The following SPEG variants were observed in gnomAD, a reference collection of about 807,000 sequenced individuals.
SPEG encodes striated muscle enriched protein kinase, also known as striated muscle preferentially expressed protein kinase.
Under a neutral mutation model 300.4 loss-of-function variants are expected in SPEG, and 114 were observed. The ratio of observed to expected loss-of-function variants is 0.38; its 90% confidence interval spans 0.33 to 0.44. The LOEUF (loss-of-function observed/expected upper bound fraction) is 0.44, where lower values mean the gene tolerates loss of function less well. Among genes scored for constraint, SPEG ranks in the 20% least tolerant of loss-of-function variants. SPEG has a pLI of 1.00. For synonymous variants in SPEG, 1,964 were observed against 2,018.9 expected (o/e 0.97, Z 0.73); for missense variants, 4,201 against 4,586.2 (o/e 0.92, Z 2.43).
chr2:219,483,177 G>A lies in SPEG; in HGVS notation c.5714G>A (p.Trp1905Ter). ...CTGCGGGCCCCCCCAGAGCGGGTGTGGGTGACCATGCCCAGAAGGCCACCC... is the reference window on the plus strand; with the variant it reads ...CTGCGGGCCCCCCCAGAGCGGGTGTAGGTGACCATGCCCAGAAGGCCACCC... ...ELLRAPPERV[W>*]VTMPRRPPPS... is the part of the protein sequence containing the mutation. The change falls in exon 30 of 41, where the codon TGG (tryptophan) becomes TAG (stop). Residue 1905 changes from tryptophan (W) to a stop codon, truncating the protein, a stop_gained. Coordinates refer to ENST00000312358, the MANE Select transcript of SPEG (RefSeq NM_005876.5). LOFTEE classifies it high-confidence loss of function. 2 of 1,609,648 alleles carry A rather than the reference G, an allele frequency of 1.2e-6. No individual in the cohort carries two copies. The highest frequency in any genetic ancestry group is 1.7e-6 in the Non-Finnish European group (2 of 1,179,140).
rs1446975793 is a variant in SPEG at position 219,492,675 on chromosome 2, C to T, written c.9693C>T (p.Leu3231=). 62 of 1,610,322 alleles carry T rather than the reference C, an allele frequency of 3.9e-5. No homozygotes were observed. Among genetic ancestry groups the T allele is most frequent in the Middle Eastern group, 1.6e-4 (1 of 6,084 alleles). ...TGATGAAGCTGCGCCGCCAGACGCT[C>T]ACCTTCACCACCAACCGGCTCAAGG... The part of the protein sequence containing the change: ...AYLMKLRRQT[L]TFTTNRLKEF... The change falls in exon 41 of 41, where the codon CTC becomes CTT. Residue 3231 remains leucine (L), a synonymous_variant. Transcript: ENST00000312358.
chr2:219,487,527 G>A (rs774238269), intron 31 of SPEG, among the ~76,000 whole-genome samples: 1 of 152,176 alleles, frequency 6.6e-6, no homozygotes, highest in Non-Finnish European at 1.5e-5. Context: ...TAAATGACTT[G>A]CCCAAGGTCA....
At position 219,490,338 on chromosome 2, in the gene SPEG, G is replaced by A. The variant is rs567895050; in HGVS notation, c.8922-71G>A. ...CCCCTAGGGGTCCCTGCTCTCCTCC[G>A]TTAGCCCTCACTATGGAAGTGTCCC... On this transcript the variant is annotated intron_variant, in intron 36 of 40. Coordinates refer to ENST00000312358, the MANE Select transcript of SPEG (RefSeq NM_005876.5). 124 of 1,548,684 alleles carry A rather than the reference G, an allele frequency of 8.0e-5. 1 individual carries two copies. In the South Asian group the frequency reaches 1.2e-3, roughly 15 times the overall value.
chr2:219,483,039 G>T (rs1693005582), intron 29 of SPEG, 59 bp from the exon 30 acceptor site: 17 of 1,522,558 alleles, frequency 1.1e-5, no homozygotes, highest in African/African-American at 4.1e-5. Context: ...AGGTGGGCCT[G>T]GGGGGGACAA....
Position 219,443,401 on chromosome 2 carries a change from G to A in SPEG, c.389-1252G>A. 1 of 551,894 alleles carries A rather than the reference G, an allele frequency of 1.8e-6. No homozygotes were observed. The highest frequency in any genetic ancestry group is 3.1e-5 in the East Asian group (1 of 32,658). 34.2% of individuals were successfully genotyped at this position (551,894 alleles called of 1,614,324 possible). ...CTGGGTGCCCTGTTCTCCATGTGAG[G>A]CCTAATGGGAAGGAGTTCATTGCCA... is the stretch of plus-strand genomic sequence containing the variant. On this transcript the variant is annotated intron_variant, in intron 1 of 40. Transcript: ENST00000312358. The surrounding 1 kb of genome is among the most constrained non-coding windows in gnomAD (Gnocchi z 4.6).
At chr2:219,462,751 AC>A (rs1274933736) in intron 8 of SPEG, among the ~76,000 whole-genome samples, 1 of 152,206 alleles carries the variant, frequency 6.6e-6, no homozygotes, top group African/African-American at 2.4e-5. Context: ...CCCTGTCTCT[AC>A]TAAAAATACA....
chr2:219,435,323 C>G lies in SPEG; in HGVS notation c.346C>G (p.Arg116Gly), dbSNP rs746145604. The G allele has an allele frequency of 2.6e-6, 4 of 1,537,434 alleles. No individual in the cohort carries two copies. In the African/African-American group the frequency reaches 4.1e-5, roughly 16 times the overall value. ...CTGCATGGCCCAGAACGAGCGGGGC[C>G]GGGCCTCCTGCGAGGCGGTGCTCAC... ...YSCMAQNERG[R>G]ASCEAVLTVL... Residue 116 changes from arginine to glycine, a missense_variant, in exon 1 of 41, where the codon CGG becomes GGG. This residue lies in a region of SPEG where 1,258 missense variants were observed against 1,293.9 expected (regional missense o/e 0.97). Transcript: ENST00000312358.
At chr2:219,463,227 C>G (rs2125412324) in intron 8 of SPEG, among the ~76,000 whole-genome samples, 1 of 151,786 alleles carries the variant, frequency 6.6e-6, no homozygotes, top group East Asian at 1.9e-4. Flanking sequence ...AAAAGACATG[C>G]AACAATTTGT....
At chr2:219,491,980 C>A in intron 39 of SPEG, 111 bp downstream of exon 39, 2 of 1,331,028 alleles carry the variant, frequency 1.5e-6, no homozygotes, top group Non-Finnish European at 1.0e-6. Context: ...TACACACATC[C>A]ACACTGCACA....
chr2:219,489,813 T>C lies in SPEG; in HGVS notation c.8795T>C (p.Leu2932Pro). The C allele has an allele frequency of 6.2e-7, 1 of 1,613,386 alleles. No individual in the cohort carries two copies. The highest frequency in any genetic ancestry group is 8.5e-7 in the Non-Finnish European group (1 of 1,179,830). Reference protein sequence around the residue: ...PEPTKVTVQSLSPAKEVVSSP... With the variant: ...PEPTKVTVQSPSPAKEVVSSP... ...CCTACCAAGGTGACTGTGCAGAGCC[T>C]CAGCCCGGCCAAGGAGGTGGTCAGC... Residue 2932 changes from leucine to proline, a missense_variant, in exon 36 of 41, where the codon CTC becomes CCC. By Grantham distance (98) the Leu-to-Pro change is moderately conservative. Around this residue, in one of 4 missense-constraint regions of SPEG, gnomAD observed 1,578 missense variants for 1,506.0 expected, o/e 1.05. Transcript: ENST00000312358.
At position 219,493,082 on chromosome 2, in the gene SPEG, CAGGAAGGGGG is replaced by C. The variant is rs1462075511; in HGVS notation, c.*300_*309del. On this transcript the variant is annotated 3_prime_UTR_variant, in exon 41 of 41. Transcript: ENST00000312358. ...GTGGAGAGGAAAAGGAATCGAGGGA[CAGGAAGGGGG>C]AGGCTCTAGGAAGGTTCTGGGTTGG... 1.5e-6 allele frequency: 1 copy of C among 646,330 alleles called. No homozygotes were observed. Among genetic ancestry groups the C allele is most frequent in the African/African-American group, 1.8e-5 (1 of 56,188 alleles). 40.0% of individuals were successfully genotyped at this position (646,330 alleles called of 1,614,324 possible).
rs1690740976 is a variant in SPEG, at chr2:219,461,954, C to A, written c.2513C>A (p.Pro838Gln). The A allele has an allele frequency of 6.2e-7, 1 of 1,613,738 alleles. No homozygotes were observed. Among genetic ancestry groups the A allele is most frequent in the Non-Finnish European group, 8.5e-7 (1 of 1,179,918 alleles). The stretch of plus-strand genomic sequence containing the variant: ...TACCTGAGCCCCCCAGAGGAGTTCC[C>A]AGAGCCTGGGGAGACCTGGCCGCGA... ...EEYLSPPEEFPEPGETWPRTP... is the reference protein window; with the variant it reads ...EEYLSPPEEFQEPGETWPRTP... The change falls in exon 7 of 41, where the codon CCA becomes CAA. Residue 838 changes from proline to glutamine, a missense_variant. Physicochemically the swap from Pro to Gln is moderately conservative, Grantham distance 76 (BLOSUM62 -1). Coordinates refer to ENST00000312358, the MANE Select transcript of SPEG (RefSeq NM_005876.5).
At position 219,484,434 on chromosome 2, in the gene SPEG, T is replaced by A. The variant is rs201170917; in HGVS notation, c.6971T>A (p.Ile2324Asn). Reference sequence around the variant, plus strand: ...CCAGGCAGCAGTCTCAGTAGCAGCATCGAAAACTTGGAGTCGGAGGCCGTG... The same window carrying A: ...CCAGGCAGCAGTCTCAGTAGCAGCAACGAAAACTTGGAGTCGGAGGCCGTG... ...PRPGSSLSSS[I>N]ENLESEAVFE... The change falls in exon 30 of 41, where the codon ATC (isoleucine) becomes AAC (asparagine). Residue 2324 changes from isoleucine (I) to asparagine (N), a missense_variant. Around this residue, in one of 4 missense-constraint regions of SPEG, gnomAD observed 1,578 missense variants for 1,506.0 expected, o/e 1.05. Coordinates refer to ENST00000312358, the MANE Select transcript of SPEG (RefSeq NM_005876.5). 1,768 of 1,611,386 alleles carry A rather than the reference T, an allele frequency of 1.1e-3. 1 individual carries two copies. Among genetic ancestry groups the A allele is most frequent in the Middle Eastern group, 1.6e-3 (10 of 6,062 alleles).
chr2:219,448,242 G>A lies in SPEG; in HGVS notation c.1084G>A (p.Gly362Arg), dbSNP rs1486615948. Residue 362 changes from glycine to arginine, a missense_variant, in exon 4 of 41, where the codon GGG becomes AGG. Physicochemically the swap from Gly to Arg is moderately radical, Grantham distance 125 (BLOSUM62 -2). Transcript: ENST00000312358. Reference sequence around the variant, plus strand: ...GCGAGGGAAGAAGTCCAAGTCGTCCGGGCCCTCCCTGGCGGGCACCGCGGA... The same window carrying A: ...GCGAGGGAAGAAGTCCAAGTCGTCCAGGCCCTCCCTGGCGGGCACCGCGGA... ...EKRGKKSKSS[G>R]PSLAGTAESR... 6.2e-7 allele frequency: 1 copy of A among 1,612,288 alleles called. No individual in the cohort carries two copies. Among genetic ancestry groups the A allele is most frequent in the African/African-American group, 1.3e-5 (1 of 74,914 alleles).
At chr2:219,440,181 G>A (rs889942245) in intron 1 of SPEG, among the ~76,000 whole-genome samples, 5 of 152,104 alleles carry the variant, frequency 3.3e-5, no homozygotes, top group African/African-American at 4.8e-5. Context: ...CCAGGAGTTC[G>A]AGACCAGCTT....
rs189420107 is a variant in SPEG at position 219,454,430 on chromosome 2, C to T, written c.2440+2623C>T. On this transcript the variant is annotated intron_variant, in intron 6 of 40. Transcript: ENST00000312358. ...TGTGCTTAACCAAAGCATTCCCCACCGCTGCCCACATCCATCACACAAGTA... is the reference window on the plus strand; with the variant it reads ...TGTGCTTAACCAAAGCATTCCCCACTGCTGCCCACATCCATCACACAAGTA... Among the ~76,000 whole-genome samples the T allele has an allele frequency of 3.1e-3, 479 of 152,304 alleles. 1 individual carries two copies. The highest frequency in any genetic ancestry group is 5.0e-3 in the Non-Finnish European group (341 of 68,032).
chr2:219,456,722 A>G (rs944069344), intron 6 of SPEG, among the ~76,000 whole-genome samples: 1 of 152,174 alleles, frequency 6.6e-6, no homozygotes, highest in African/African-American at 2.4e-5. Context: ...AGCCTGACCA[A>G]CATAGTGAAA....
chr2:219,489,281 G>A, intron 35 of SPEG, 55 bp from the exon 36 acceptor site: 1 of 1,613,298 alleles, frequency 6.2e-7, no homozygotes, highest in Non-Finnish European at 8.5e-7. Flanking sequence ...GGTTCTTGTG[G>A]AGCACCATGG....
In SPEG at chr2:219,473,706, C is replaced by T. The variant is rs752203104; in HGVS notation, c.4272-22C>T. ...TGCCCTGGGGCAAGATCTGGGTGAC[C>T]TCCCTGTCATGTGTCCCCTAGCTGC... On this transcript the variant is annotated intron_variant, in intron 17 of 40. Coordinates refer to ENST00000312358, the MANE Select transcript of SPEG (RefSeq NM_005876.5). The surrounding 1 kb of genome is among the most constrained non-coding windows in gnomAD (Gnocchi z 4.6). 8 of 1,612,580 alleles carry T rather than the reference C, an allele frequency of 5.0e-6. No homozygotes were observed. In the East Asian group the frequency reaches 1.8e-4, roughly 36 times the overall value.
Sources: gnomAD v4.1 joint callset for allele counts (sites outside exome capture counted in the v4.1 genomes callset) on GRCh38, gnomAD v4.1.1 for gene constraint, gnomAD v4.1.1 regional missense constraint, Gnocchi (gnomAD v3.1) non-coding constraint, MANE v1.5 for transcripts, NCBI Gene and HGNC (gene_info 2026-07-23, HGNC 2026-07-21) for gene names.